The following CHN2 variants were observed in gnomAD, a reference collection of about 807,000 sequenced individuals.
The protein encoded by CHN2 is beta-chimaerin.
In CHN2, 35 loss-of-function variants were observed where a neutral mutation model predicts 56.3. The observed-to-expected ratio is 0.62, with a 90% CI of 0.47 to 0.82. The LOEUF is 0.82. Among genes scored for constraint, CHN2 ranks in the 40% least tolerant of loss-of-function variants. The pLI, the probability that CHN2 is intolerant of heterozygous loss-of-function variation, is 0.00. For synonymous variants in CHN2, 210 were observed against 212.8 expected, an observed-to-expected ratio of 0.99 and a Z score of 0.12; for missense variants, 491 against 580.5, an observed-to-expected ratio of 0.85 and a Z score of 1.58.
chr7:29,386,542 A>T (rs1257353865), intron 3 of CHN2, among the ~76,000 whole-genome samples: 1 of 152,218 alleles, frequency 6.6e-6, no homozygotes, highest in Non-Finnish European at 1.5e-5. Flanking sequence ...TATTCTGTAA[A>T]TGTCTTTGTG....
At chr7:29,214,619 A>T (rs1052827848) in intron 1 of CHN2, among the ~76,000 whole-genome samples, 1 of 152,158 alleles carries the variant, frequency 6.6e-6, no homozygotes, top group Admixed American at 6.5e-5. Flanking sequence ...AAACTAATTG[A>T]TAGGGGCTAC....
chr7:29,329,348 C>T (rs1585072609), intron 1 of CHN2, among the ~76,000 whole-genome samples: 2 of 125,034 alleles, frequency 1.6e-5, no homozygotes, highest in Admixed American at 9.5e-5. Flanking sequence ...CCTTACCTTC[C>T]ACACTAGCTT....
At chr7:29,361,108 C>G (rs190541876) in intron 2 of CHN2, among the ~76,000 whole-genome samples, 6 of 152,342 alleles carry the variant, frequency 3.9e-5, no homozygotes, top group African/African-American at 1.2e-4. Flanking sequence ...GTAATTCCAT[C>G]ACGTCACCTC....
chr7:29,407,452 C>G (rs1187022017), intron 6 of CHN2, among the ~76,000 whole-genome samples: 1 of 151,964 alleles, frequency 6.6e-6, no homozygotes, highest in East Asian at 1.9e-4. Context: ...AAGAAAGAAC[C>G]TGAATTGTTA....
intron 7 of CHN2, among the ~76,000 whole-genome samples, chr7:29,495,160 T>A (rs1789133140): frequency 6.6e-6 from 1 of 152,296 alleles, no homozygotes; most frequent in Admixed American, 6.5e-5. Context: ...TAAAGCTCTT[T>A]GATGCCAGTA....
At chr7:29,176,438 C>G (rs1314851068) in intron 2 of CHN2, among the ~76,000 whole-genome samples, 1 of 151,980 alleles carries the variant, frequency 6.6e-6, no homozygotes, top group East Asian at 1.9e-4. Flanking sequence ...CATGTCAGAA[C>G]ACAATGGGTA....
rs539588150 is a variant in CHN2, at chr7:29,352,942, G to C, written c.50-1683G>C. On this transcript the variant is annotated intron_variant, in intron 1 of 12. Transcript: ENST00000222792. Reference sequence around the variant, plus strand: ...AGGGATGAAATTAATTGGTTGTTTGGGTTAAAGCCTTGCTATTATAAGACA... The same window carrying C: ...AGGGATGAAATTAATTGGTTGTTTGCGTTAAAGCCTTGCTATTATAAGACA... Among the ~76,000 whole-genome samples the C allele has an allele frequency of 3.3e-5, 5 of 152,162 alleles. 1 individual carries two copies. The South Asian group carries it at 6.2e-4, about 19-fold the overall frequency.
rs1799308643 is a variant in CHN2, at chr7:29,368,004, T to C, written c.144+17T>C. The C allele has an allele frequency of 6.2e-7, 1 of 1,604,024 alleles. No individual in the cohort carries two copies. Among genetic ancestry groups the C allele is most frequent in the Non-Finnish European group, 8.5e-7 (1 of 1,174,496 alleles). On this transcript the variant is annotated intron_variant, in intron 3 of 12. Coordinates refer to ENST00000222792, the MANE Select transcript of CHN2 (RefSeq NM_004067.4). The stretch of plus-strand genomic sequence containing the variant: ...CCTCGGGAGGTCAGTGCTCAGCTAT[T>C]TCCAATACACCTTGTTAAATATGAT...
chr7:29,317,803 A>G (rs903055912), intron 1 of CHN2, among the ~76,000 whole-genome samples: 2 of 152,170 alleles, frequency 1.3e-5, no homozygotes, highest in African/African-American at 4.8e-5. Context: ...AGTCTGGACA[A>G]CATGGAGGAG....
In CHN2 at chr7:29,499,943, G is replaced by A. The variant is rs1333235194; in HGVS notation, c.816G>A (p.Lys272=). ...GCCAACCTGATCTCAAGAGGATCAA[G>A]AAAGTGTACTGTTGTGACCTCACAA... is the stretch of plus-strand genomic sequence containing the variant. ...NDCQPDLKRI[K]KVYCCDLTTL... The change falls in exon 9 of 13, where the codon AAG becomes AAA. Residue 272 remains lysine, a synonymous_variant. Coordinates refer to ENST00000222792, the MANE Select transcript of CHN2 (RefSeq NM_004067.4). 1 of 1,613,100 alleles carries A rather than the reference G, an allele frequency of 6.2e-7. No homozygotes were observed. Among genetic ancestry groups the A allele is most frequent in the African/African-American group, 1.3e-5 (1 of 74,868 alleles).
In CHN2 at chr7:29,309,749, C is replaced by T. The variant is rs535611666; in HGVS notation, c.50-44876C>T. On this transcript the variant is annotated intron_variant, in intron 1 of 12. Coordinates refer to ENST00000222792, the MANE Select transcript of CHN2 (RefSeq NM_004067.4). ...TGGCCTTGCCACCAAATGTGCTTCT[C>T]CTCCCATTTTCTGAGTAGGGCTCCA... Among the ~76,000 whole-genome samples the T allele has an allele frequency of 5.9e-5, 9 of 152,340 alleles. No homozygotes were observed. In the East Asian group the frequency reaches 7.7e-4, roughly 13 times the overall value.
Position 29,432,276 on chromosome 7 carries a change from A to G in CHN2, c.576+31448A>G, listed in dbSNP as rs538203081. On this transcript the variant is annotated intron_variant, in intron 6 of 12. Coordinates refer to ENST00000222792, the MANE Select transcript of CHN2 (RefSeq NM_004067.4). ...AGTCATAACATCCTGACCCAGAAGC[A>G]TGAATGATATGTCTTGCTATAATAC... Among the ~76,000 whole-genome samples, 23 of 152,326 alleles carry G rather than the reference A, an allele frequency of 1.5e-4. 1 individual carries two copies. The highest frequency in any genetic ancestry group is 5.5e-4 in the African/African-American group (23 of 41,586).
At chr7:29,284,089 T>C (rs1355563462) in intron 1 of CHN2, among the ~76,000 whole-genome samples, 4 of 151,720 alleles carry the variant, frequency 2.6e-5, no homozygotes, top group Non-Finnish European at 4.4e-5. Flanking sequence ...AATTTTTGTA[T>C]TTTTACTTAT....
At chr7:29,160,986 TTGAG>T (rs757241054) in intron 2 of CHN2, among the ~76,000 whole-genome samples, 4 of 152,212 alleles carry the variant, frequency 2.6e-5, no homozygotes, top group Non-Finnish European at 4.4e-5. Flanking sequence ...TTTCCTCTGA[TTGAG>T]TTTTTCCTGC....
chr7:29,378,614 A>G (rs1432230316), intron 3 of CHN2, among the ~76,000 whole-genome samples: 2 of 152,228 alleles, frequency 1.3e-5, no homozygotes, highest in Non-Finnish European at 2.9e-5. Context: ...TATTTACTTT[A>G]TAGCCCTTGC....
At chr7:29,397,878 A>G (rs144616446) in intron 4 of CHN2, 1 of 152,864 alleles carries the variant, frequency 6.5e-6, no homozygotes, top group African/African-American at 2.4e-5. Flanking sequence ...AACTGGAAGA[A>G]TGTTGATGAT....
intron 1 of CHN2, among the ~76,000 whole-genome samples, chr7:29,319,086 C>T (rs1383426686): frequency 2.0e-5 from 3 of 152,132 alleles, no homozygotes; most frequent in Non-Finnish European, 1.5e-5. Flanking sequence ...GAGGGAGAAA[C>T]GGGATGCTTC....
chr7:29,260,003 A>T (rs919452155), intron 1 of CHN2, among the ~76,000 whole-genome samples: 2 of 151,996 alleles, frequency 1.3e-5, no homozygotes, highest in Non-Finnish European at 2.9e-5. Context: ...TTTGAGATGG[A>T]GTCTTGCTCT....
At chr7:29,311,179 CT>C (rs1369860740) in intron 1 of CHN2, among the ~76,000 whole-genome samples, 2 of 152,146 alleles carry the variant, frequency 1.3e-5, no homozygotes, top group African/African-American at 4.8e-5. Flanking sequence ...CTCCCTGCCC[CT>C]GCCTTTGTCA....
Sources: gnomAD v4.1 joint callset for allele counts (sites outside exome capture counted in the v4.1 genomes callset) on GRCh38, gnomAD v4.1.1 for gene constraint, MANE v1.5 for transcripts, NCBI Gene and HGNC (gene_info 2026-07-23, HGNC 2026-07-21) for gene names.